Variants in DLG2 observed in about 807,000 individuals in gnomAD.
DLG2 encodes the protein disks large homolog 2.
Under a neutral mutation model 132.5 loss-of-function variants are expected in DLG2, and 45 were observed. The ratio of observed to expected loss-of-function variants is 0.34; its 90% confidence interval spans 0.27 to 0.44. The LOEUF is 0.44. Ranked by LOEUF, DLG2 falls within the 20% of genes least tolerant of loss-of-function variation. The pLI, the probability that DLG2 is intolerant of heterozygous loss-of-function variation, is 1.00. For synonymous variants in DLG2, 424 were observed against 419.6 expected (o/e 1.01, Z -0.13); for missense variants, 1,045 against 1,196.9 (o/e 0.87, Z 1.87).
At chr11:84,599,281 A>T (rs183001166) in intron 6 of DLG2, among the ~76,000 whole-genome samples, 45 of 152,258 alleles carry the variant, frequency 3.0e-4, no homozygotes, top group African/African-American at 1.1e-3. Flanking sequence ...ATCAGATCTC[A>T]GGACATTAAC....
intron 11 of DLG2, among the ~76,000 whole-genome samples, chr11:84,032,888 C>G (rs2095744846): frequency 6.6e-6 from 1 of 152,138 alleles, no homozygotes; most frequent in South Asian, 2.1e-4. Flanking sequence ...TGCCTGTACT[C>G]TATAAATGAA....
chr11:84,046,625 CTT>C, intron 11 of DLG2, among the ~76,000 whole-genome samples: 1 of 151,606 alleles, frequency 6.6e-6, no homozygotes, highest in South Asian at 2.1e-4. Flanking sequence ...CATTTTTACT[CTT>C]CTTTTTTCTT....
At chr11:83,590,273 A>G (rs559566654) in intron 19 of DLG2, among the ~76,000 whole-genome samples, 118 of 152,258 alleles carry the variant, frequency 7.7e-4, no homozygotes, top group African/African-American at 2.6e-3. Context: ...AAAAGAACAG[A>G]AATTATAACA....
intron 6 of DLG2, among the ~76,000 whole-genome samples, chr11:85,085,733 G>A (rs2067837339): frequency 6.6e-6 from 1 of 152,002 alleles, no homozygotes; most frequent in South Asian, 2.1e-4. Flanking sequence ...CTTTTTGCAA[G>A]GTTAAAGATT....
At chr11:84,551,025 C>T (rs1176481708) in intron 6 of DLG2, among the ~76,000 whole-genome samples, 1 of 152,088 alleles carries the variant, frequency 6.6e-6, no homozygotes, top group Admixed American at 6.6e-5. Flanking sequence ...TGCAAATGGG[C>T]TTGATCTATC....
intron 6 of DLG2, among the ~76,000 whole-genome samples, chr11:85,011,829 T>C (rs2059168086): frequency 6.6e-6 from 1 of 152,232 alleles, no homozygotes. Context: ...TGGAGTTTTC[T>C]GGGTAATCAA....
Position 84,697,481 on chromosome 11 carries a change from A to T in DLG2, c.358-162750T>A, listed in dbSNP as rs1042787792. On this transcript the variant is annotated intron_variant, in intron 6 of 27. Transcript: ENST00000376104. ...GGTAATAGTTACTTTTCAAAAACTA[A>T]TTTTTTTTAGAAAAACACACAATAA... Among the ~76,000 whole-genome samples, 9 of 151,452 alleles carry T rather than the reference A, an allele frequency of 5.9e-5. No individual in the cohort carries two copies. In the Middle Eastern group the frequency reaches 0.01, roughly 172 times the overall value.
chr11:83,718,152 AGAG>A (rs1275793794), intron 18 of DLG2, among the ~76,000 whole-genome samples: 2 of 152,202 alleles, frequency 1.3e-5, no homozygotes, highest in African/African-American at 2.4e-5. Flanking sequence ...ATAGGTGCAC[AGAG>A]GAAAGGGAGC....
chr11:84,624,835 T>TACCTCTCAGAAGAGAGTC (rs2099619555), intron 6 of DLG2, among the ~76,000 whole-genome samples: 1 of 144,196 alleles, frequency 6.9e-6, no homozygotes, highest in Non-Finnish European at 1.5e-5. Flanking sequence ...TTCTGAGAGT[T>TACCTCTCAGAAGAGAGTC]ACCTCTCAGA....
At chr11:83,835,197 G>T (rs2055791611) in intron 16 of DLG2, among the ~76,000 whole-genome samples, 1 of 152,206 alleles carries the variant, frequency 6.6e-6, no homozygotes, top group South Asian at 2.1e-4. Flanking sequence ...TGCCAGGAAG[G>T]TGTTTCAGGT....
At chr11:83,852,087 G>A (rs1328379074) in intron 16 of DLG2, among the ~76,000 whole-genome samples, 1 of 152,182 alleles carries the variant, frequency 6.6e-6, no homozygotes, top group Non-Finnish European at 1.5e-5. Flanking sequence ...GTCCCCTACA[G>A]GTTTCAGAGG....
At chr11:85,124,111 T>C (rs2074770222) in intron 5 of DLG2, among the ~76,000 whole-genome samples, 1 of 152,216 alleles carries the variant, frequency 6.6e-6, no homozygotes, top group Non-Finnish European at 1.5e-5. Flanking sequence ...CACCATCAGC[T>C]GCTATTTATT....
intron 7 of DLG2, among the ~76,000 whole-genome samples, chr11:84,472,949 C>T (rs534120737): frequency 7.2e-5 from 11 of 152,062 alleles, no homozygotes; most frequent in South Asian, 2.1e-4. Flanking sequence ...CAAGAATAAA[C>T]GTTACAACAT....
At chr11:84,373,059 AAG>A (rs1180423835) in intron 7 of DLG2, among the ~76,000 whole-genome samples, 2 of 151,812 alleles carry the variant, frequency 1.3e-5, no homozygotes, top group African/African-American at 2.4e-5. Context: ...AACTGAAGGA[AAG>A]AGAGACAGAG....
chr11:84,677,949 T>C (rs2099718321), intron 6 of DLG2, among the ~76,000 whole-genome samples: 1 of 151,986 alleles, frequency 6.6e-6, no homozygotes, highest in African/African-American at 2.4e-5. Context: ...TAGAACAATA[T>C]TAATCTAATA....
intron 6 of DLG2, among the ~76,000 whole-genome samples, chr11:84,889,994 G>GA (rs1319367208): frequency 1.3e-5 from 2 of 152,158 alleles, no homozygotes; most frequent in African/African-American, 2.4e-5. Flanking sequence ...GTTCCTCAGT[G>GA]AAATATATGG....
chr11:84,423,179 G>A lies in DLG2; in HGVS notation c.519+111391C>T, dbSNP rs200169112. ...GATGAAAATTCTAGAAATGGATAGT[G>A]GTGATGGTTGTACAACATTGCAAAT... is the stretch of plus-strand genomic sequence containing the variant. On this transcript the variant is annotated intron_variant, in intron 7 of 27. Coordinates refer to ENST00000376104, the MANE Select transcript of DLG2 (RefSeq NM_001142699.3). Among the ~76,000 whole-genome samples, 4 of 151,984 alleles carry A rather than the reference G, an allele frequency of 2.6e-5. No homozygotes were observed. In the East Asian group the frequency reaches 7.7e-4, roughly 29 times the overall value.
At chr11:85,178,493 C>T (rs1234628786) in intron 4 of DLG2, among the ~76,000 whole-genome samples, 6 of 151,716 alleles carry the variant, frequency 4.0e-5, no homozygotes, top group Admixed American at 2.6e-4. Flanking sequence ...AAGTATTATA[C>T]TAAAACTATA....
Position 84,533,665 on chromosome 11 carries a change from T to G in DLG2, c.519+905A>C, listed in dbSNP as rs1479803337. On this transcript the variant is annotated intron_variant, in intron 7 of 27. Coordinates refer to ENST00000376104, the MANE Select transcript of DLG2 (RefSeq NM_001142699.3). ...GATCCAGAGAACACGGGAGACACTT[T>G]TATGTCTTTATTTTTTATTGTAGCA... Among the ~76,000 whole-genome samples the G allele has an allele frequency of 2.0e-5, 3 of 152,088 alleles. No individual in the cohort carries two copies. The East Asian group carries it at 5.8e-4, about 29-fold the overall frequency.
Sources: gnomAD v4.1 joint callset for allele counts (sites outside exome capture counted in the v4.1 genomes callset) on GRCh38, gnomAD v4.1.1 for gene constraint, MANE v1.5 for transcripts, NCBI Gene and HGNC (gene_info 2026-07-23, HGNC 2026-07-21) for gene names.